Variants in RBFOX1 observed in about 807,000 individuals in gnomAD.
RBFOX1 encodes the protein RNA binding protein fox-1 homolog 1.
RBFOX1 carries 8 observed loss-of-function variants against 57.7 expected under a neutral mutation model. That is an observed-to-expected ratio of 0.14 (90% CI 0.08 to 0.25). The LOEUF (loss-of-function observed/expected upper bound fraction) is 0.25, where lower values mean the gene tolerates loss of function less well. Among genes scored for constraint, RBFOX1 ranks in the 10% least tolerant of loss-of-function variants. The pLI, the probability that RBFOX1 is intolerant of heterozygous loss-of-function variation, is 1.00. For synonymous variants in RBFOX1, 326 were observed against 222.4 expected, an observed-to-expected ratio of 1.47 and a Z score of -4.15; for missense variants, 611 against 548.5, an observed-to-expected ratio of 1.11 and a Z score of -1.14.
intron 3 of RBFOX1, among the ~76,000 whole-genome samples, chr16:6,771,729 G>A (rs1043616925): frequency 2.6e-5 from 4 of 152,212 alleles, no homozygotes; most frequent in African/African-American, 9.7e-5. Context: ...TCTAGCGGGT[G>A]GAGGCCAGGG....
intron 2 of RBFOX1, among the ~76,000 whole-genome samples, chr16:6,537,160 C>T (rs2096746685): frequency 6.6e-6 from 1 of 152,114 alleles, no homozygotes; most frequent in South Asian, 2.1e-4. Flanking sequence ...CAGGAATCTT[C>T]CTACAATGCA....
intron 2 of RBFOX1, among the ~76,000 whole-genome samples, chr16:6,582,630 A>C (rs2153975866): frequency 6.6e-6 from 1 of 152,224 alleles, no homozygotes; most frequent in East Asian, 1.9e-4. Context: ...CCAAGAGGTC[A>C]AATAAAATAA....
intron 5 of RBFOX1, among the ~76,000 whole-genome samples, chr16:7,530,368 C>A (rs2079738977): frequency 6.6e-6 from 1 of 152,124 alleles, no homozygotes; most frequent in Non-Finnish European, 1.5e-5. Context: ...GACAAAGTCC[C>A]AATGACACTG....
chr16:5,392,722 C>T (rs1254696989), intron 1 of RBFOX1, among the ~76,000 whole-genome samples: 1 of 151,934 alleles, frequency 6.6e-6, no homozygotes, highest in Non-Finnish European at 1.5e-5. Context: ...GAAACAAATG[C>T]AGATGTAGAA....
At chr16:5,983,756 C>G (rs1275259858) in intron 4 of RBFOX1, among the ~76,000 whole-genome samples, 1 of 152,134 alleles carries the variant, frequency 6.6e-6, no homozygotes, top group African/African-American at 2.4e-5. Context: ...CTCCTGGAGT[C>G]ATGAGTATTC....
intron 3 of RBFOX1, among the ~76,000 whole-genome samples, chr16:6,669,203 G>T (rs949233255): frequency 6.6e-6 from 1 of 152,278 alleles, no homozygotes; most frequent in East Asian, 1.9e-4. Context: ...GGAAAAATTT[G>T]TGATGGAACG....
rs74005037 is a variant in RBFOX1 at position 6,243,635 on chromosome 16, C to A, written c.-126-73360C>A. On this transcript the variant is annotated intron_variant, in intron 1 of 15. Transcript: ENST00000550418. ...GACCCACCTCAGATTCCCCTGTGGC[C>A]CGTAACCCGGGCCTGTCTCATCAGA... is the stretch of plus-strand genomic sequence containing the variant. Among the ~76,000 whole-genome samples the A allele has an allele frequency of 1.8e-3, 272 of 152,288 alleles. 2 individuals are homozygous for A. The highest frequency in any genetic ancestry group is 4.7e-3 in the African/African-American group (196 of 41,574).
chr16:7,241,695 CAA>C (rs2094069541), intron 4 of RBFOX1, among the ~76,000 whole-genome samples: 2 of 152,112 alleles, frequency 1.3e-5, no homozygotes, highest in African/African-American at 4.8e-5. Flanking sequence ...ATCTGGATGA[CAA>C]ATGTGATACA....
At chr16:7,237,368 C>G (rs1379802496) in intron 4 of RBFOX1, among the ~76,000 whole-genome samples, 2 of 152,176 alleles carry the variant, frequency 1.3e-5, no homozygotes, top group African/African-American at 2.4e-5. Flanking sequence ...ATTGAGTGTT[C>G]TGTACATACA....
In RBFOX1 at chr16:6,796,549, C is replaced by G. The variant is rs559415900; in HGVS notation, c.-16+141899C>G. Among the ~76,000 whole-genome samples, 36 of 152,284 alleles carry G rather than the reference C, an allele frequency of 2.4e-4. 1 individual carries two copies. Among genetic ancestry groups the G allele is most frequent in the Non-Finnish European group, 4.4e-5 (3 of 68,018 alleles). On this transcript the variant is annotated intron_variant, in intron 3 of 15. Coordinates refer to ENST00000550418, the MANE Select transcript of RBFOX1 (RefSeq NM_018723.4). Reference sequence around the variant, plus strand: ...AGAATAGATGTTGTCTATGAATTCACTGCTTAATATTTCATTTATCTACTT... The same window carrying G: ...AGAATAGATGTTGTCTATGAATTCAGTGCTTAATATTTCATTTATCTACTT...
chr16:6,160,459 C>G (rs2096869878), intron 1 of RBFOX1, among the ~76,000 whole-genome samples: 1 of 152,114 alleles, frequency 6.6e-6, no homozygotes, highest in African/African-American at 2.4e-5. Context: ...CCTTTTGTAT[C>G]TGGGGCTTGC....
chr16:6,515,879 A>G (rs530261179), intron 2 of RBFOX1, among the ~76,000 whole-genome samples: 2 of 152,090 alleles, frequency 1.3e-5, no homozygotes, highest in African/African-American at 4.8e-5. Flanking sequence ...ACCTAGCTCA[A>G]ATGTCAGCTT....
At chr16:7,427,017 G>A (rs878910707) in intron 4 of RBFOX1, among the ~76,000 whole-genome samples, 1 of 152,204 alleles carries the variant, frequency 6.6e-6, no homozygotes, top group African/African-American at 2.4e-5. Context: ...TGAAAGGACA[G>A]AAAACCAAAC....
chr16:7,010,162 A>C (rs1050900647), intron 3 of RBFOX1, among the ~76,000 whole-genome samples: 2 of 152,256 alleles, frequency 1.3e-5, no homozygotes, highest in East Asian at 3.8e-4. Flanking sequence ...GGTGAGACTT[A>C]ATCAGCTGTG....
intron 4 of RBFOX1, among the ~76,000 whole-genome samples, chr16:7,424,962 A>C (rs1598125985): frequency 1.3e-5 from 2 of 152,236 alleles, no homozygotes; most frequent in African/African-American, 4.8e-5. Flanking sequence ...TTGAGCACCA[A>C]GAAGAATGTT....
At chr16:6,579,650 C>T (rs1053505150) in intron 2 of RBFOX1, among the ~76,000 whole-genome samples, 1 of 152,184 alleles carries the variant, frequency 6.6e-6, no homozygotes, top group African/African-American at 2.4e-5. Context: ...CTTCCCAAGC[C>T]ATGCTGAACT....
chr16:5,297,771 T>G (rs554613085), intron 1 of RBFOX1, among the ~76,000 whole-genome samples: 29 of 152,346 alleles, frequency 1.9e-4, no homozygotes, highest in African/African-American at 6.7e-4. Context: ...CATGTAAGAT[T>G]TTAGGTAGAC....
At chr16:6,536,763 G>C (rs1163493852) in intron 2 of RBFOX1, among the ~76,000 whole-genome samples, 2 of 152,280 alleles carry the variant, frequency 1.3e-5, no homozygotes, top group South Asian at 4.1e-4. Context: ...AGATTAAAGA[G>C]AGATTAACAA....
At position 7,693,273 on chromosome 16, in the gene RBFOX1, C is replaced by T. The variant is rs761134001; in HGVS notation, c.996-15783C>T. On this transcript the variant is annotated intron_variant, in intron 14 of 15. Transcript: ENST00000550418. ...AAGCAATTGGCAGAGAGCACATTTC[C>T]CCCTGAGCGAGCAGTATTGTGAATT... 4 of 1,575,394 alleles carry T rather than the reference C, an allele frequency of 2.5e-6. No individual in the cohort carries two copies. In the South Asian group the frequency reaches 3.3e-5, roughly 13 times the overall value.
Sources: allele counts gnomAD v4.1 joint callset (sites outside exome capture counted in the v4.1 genomes callset), GRCh38; gene constraint gnomAD v4.1.1; transcripts MANE v1.5; gene names NCBI Gene and HGNC (gene_info 2026-07-23, HGNC 2026-07-21).